CIB3: variants seen among roughly 807,000 people sequenced by gnomAD.
The protein encoded by CIB3 is calcium and integrin binding family member 3.
A neutral mutation model predicts 23.4 loss-of-function variants in CIB3; 22 were observed. The ratio of observed to expected loss-of-function variants is 0.94; its 90% CI spans 0.67 to 1.34. CIB3 has a LOEUF of 1.34. Ranked by LOEUF, CIB3 falls within the 40% of genes most tolerant of loss-of-function variation. The probability of loss-of-function intolerance (pLI) is 0.00; values close to 1 mark genes in which losing one functional copy is unlikely to be tolerated. For missense variants in CIB3, 258 were observed against 247.3 expected, an observed-to-expected ratio of 1.04 and a Z score of -0.29; for synonymous variants, 93 against 95.8, an observed-to-expected ratio of 0.97 and a Z score of 0.17.
Position 16,173,466 on chromosome 19 carries a change from T to C in CIB3, c.10A>G (p.Lys4Glu). 1.2e-6 allele frequency: 2 copies of C among 1,614,080 alleles called. No individual in the cohort carries two copies. The highest frequency in any genetic ancestry group is 2.2e-5 in the South Asian group (2 of 91,076). MGNKQTVFTHEQLE... is the reference protein window; with the variant it reads MGNEQTVFTHEQLE... ...TGCTCGTGTGTGAAGACTGTCTGCTTGTTGCCCATGGTGTGAACCACAGCC... is the reference window on the plus strand; with the variant it reads ...TGCTCGTGTGTGAAGACTGTCTGCTCGTTGCCCATGGTGTGAACCACAGCC... Residue 4 changes from lysine (K) to glutamate (E), a missense_variant, in exon 1 of 6, where the codon AAG becomes GAG. By Grantham distance (56) the Lys-to-Glu change is moderately conservative. Coordinates refer to ENST00000269878, the MANE Select transcript of CIB3 (RefSeq NM_054113.4).
chr19:16,164,973 G>C, intron 4 of CIB3, 60 bp from the exon 5 acceptor site: 1 of 1,424,990 alleles, frequency 7.0e-7, no homozygotes, highest in South Asian at 1.2e-5. Flanking sequence ...GCCGGCTGTG[G>C]GCACATACTG....
chr19:16,168,471 C>A lies in CIB3; in HGVS notation c.199-187G>T, dbSNP rs564230291. ...CCCTCCACCCCTGTGATCTGAGCAA[C>A]CTTGCCCCAACTTCCAGCTCTTGGA... On this transcript the variant is annotated intron_variant, in intron 3 of 5. Coordinates refer to ENST00000269878, the MANE Select transcript of CIB3 (RefSeq NM_054113.4). 6.6e-5 allele frequency among the ~76,000 whole-genome samples: 10 copies of A among 152,328 alleles called. No individual in the cohort carries two copies. The East Asian group carries it at 9.6e-4, about 15-fold the overall frequency.
Position 16,173,195 on chromosome 19 carries a change from T to C in CIB3, c.53A>G (p.Asp18Gly). Residue 18 changes from aspartate to glycine, a missense_variant and splice_region_variant, in exon 2 of 6, where the codon GAC becomes GGC. Physicochemically the swap from Asp to Gly is moderately conservative, Grantham distance 94. Coordinates refer to ENST00000269878, the MANE Select transcript of CIB3 (RefSeq NM_054113.4). ...FTHEQLEAYQDCTFFTRKEIM... is the reference protein window; with the variant it reads ...FTHEQLEAYQGCTFFTRKEIM... ...CTCCTTCCTTGTGAAAAATGTGCAG[T>C]CCTGTGGAGAGAGGTGTTGTCTTAA... The C allele has an allele frequency of 6.2e-7, 1 of 1,613,946 alleles. No individual in the cohort carries two copies. The highest frequency in any genetic ancestry group is 8.5e-7 in the Non-Finnish European group (1 of 1,179,978).
In CIB3 at chr19:16,168,393, C is replaced by T. The variant is rs77831326; in HGVS notation, c.199-109G>A. On this transcript the variant is annotated intron_variant, in intron 3 of 5. Coordinates refer to ENST00000269878, the MANE Select transcript of CIB3 (RefSeq NM_054113.4). ...CTTCTGGGAACCTCCAAGTACCCTC[C>T]ATCAAGACCCACTCCCTCCCATGGT... The T allele has an allele frequency of 8.5e-6, 12 of 1,418,972 alleles. No homozygotes were observed. The East Asian group carries it at 2.9e-4, about 35-fold the overall frequency. 87.9% of individuals were successfully genotyped at this position (1,418,972 alleles called of 1,614,324 possible).
At chr19:16,172,125 C>T (rs910422535) in intron 2 of CIB3, among the ~76,000 whole-genome samples, 4 of 152,250 alleles carry the variant, frequency 2.6e-5, no homozygotes, top group African/African-American at 9.6e-5. Context: ...GGCTCCCAGC[C>T]TCAAGTCCCA....
At chr19:16,163,859 ATGGGTGTGGC>A (rs1231900789) in intron 5 of CIB3, among the ~76,000 whole-genome samples, 11 of 152,182 alleles carry the variant, frequency 7.2e-5, no homozygotes, top group Non-Finnish European at 1.2e-4. Context: ...ATGTACACAA[ATGGGTGTGGC>A]TGTGAGCCAA....
At chr19:16,167,466 G>A (rs372721857) in intron 4 of CIB3, among the ~76,000 whole-genome samples, 3 of 152,266 alleles carry the variant, frequency 2.0e-5, no homozygotes, top group African/African-American at 7.2e-5. Flanking sequence ...GGTGCTAGAA[G>A]AGAAATAGGA....
At chr19:16,170,822 C>CAA (rs566726971) in intron 2 of CIB3, among the ~76,000 whole-genome samples, 1,522 of 116,922 alleles carry the variant, frequency 0.013, 36 homozygotes, top group African/African-American at 0.045. Context: ...GACTCTGTCT[C>CAA]AAAAAAAAAA....
At chr19:16,163,484 G>T (rs2091293596) in intron 5 of CIB3, among the ~76,000 whole-genome samples, 1 of 152,090 alleles carries the variant, frequency 6.6e-6, no homozygotes, top group South Asian at 2.1e-4. Context: ...GAACCCAGGA[G>T]GTGGAAGTTG....
In CIB3 at chr19:16,169,646, C is replaced by A. The variant is rs1264903592; in HGVS notation, c.182G>T (p.Ser61Ile). ...TGGGCATACCTTCAGCTCGGGCATG[C>A]TGCCAATGAGCTCGTAGGGCACCTT... ...DVKVPYELIGSMPELKDNPFR... is the reference protein window; with the variant it reads ...DVKVPYELIGIMPELKDNPFR... The change falls in exon 3 of 6, where the codon AGC becomes ATC. Residue 61 changes from serine to isoleucine, a missense_variant. Ser to Ile is a moderately radical substitution (Grantham distance 142). Transcript: ENST00000269878. 1 of 1,613,422 alleles carries A rather than the reference C, an allele frequency of 6.2e-7. No homozygotes were observed. Among genetic ancestry groups the A allele is most frequent in the African/African-American group, 1.3e-5 (1 of 75,032 alleles).
Position 16,168,762 on chromosome 19 carries a change from TG to T in CIB3, c.199-479del, listed in dbSNP as rs528625977. On this transcript the variant is annotated intron_variant, in intron 3 of 5. Transcript: ENST00000269878. ...CCTCTTCCTGGGAGGAGCCGAGATA[TG>T]GGGGGAGATTCCTGAGCACATCATC... 4.4e-3 allele frequency among the ~76,000 whole-genome samples: 663 copies of T among 152,084 alleles called. 3 individuals are homozygous for T. Among genetic ancestry groups the T allele is most frequent in the African/African-American group, 0.014 (589 of 41,496 alleles).
At chr19:16,173,304 C>T (rs1038767355) in intron 1 of CIB3, 108 bp from the exon 2 acceptor site, 6 of 1,578,630 alleles carry the variant, frequency 3.8e-6, no homozygotes, top group Admixed American at 1.7e-5. Context: ...CTGCCACACA[C>T]AGAGCAGAAC....
chr19:16,169,128 T>G (rs1355057361), intron 3 of CIB3, among the ~76,000 whole-genome samples: 1 of 151,848 alleles, frequency 6.6e-6, no homozygotes, highest in Admixed American at 6.6e-5. Context: ...TCTGGGTGTT[T>G]TTTGTTTGTT....
chr19:16,173,058 A>T, intron 2 of CIB3, 104 bp downstream of exon 2: 1 of 1,296,860 alleles, frequency 7.7e-7, no homozygotes, highest in Non-Finnish European at 1.1e-6. Flanking sequence ...ACACACACAC[A>T]CACACACACA....
rs2091284060 is a variant in CIB3, at chr19:16,161,413, G to A, written c.*52C>T. On this transcript the variant is annotated 3_prime_UTR_variant, in exon 6 of 6. Coordinates refer to ENST00000269878, the MANE Select transcript of CIB3 (RefSeq NM_054113.4). ...TTATTCTCAGAAACCAGAGTCCACA[G>A]CGGGTGAGGGGTCACCCCGCCCTCC... 1.3e-6 allele frequency: 2 copies of A among 1,588,926 alleles called. No individual in the cohort carries two copies. Among genetic ancestry groups the A allele is most frequent in the Admixed American group, 1.7e-5 (1 of 59,964 alleles).
intron 4 of CIB3, among the ~76,000 whole-genome samples, chr19:16,166,948 G>T (rs892845671): frequency 3.3e-5 from 5 of 152,220 alleles, no homozygotes; most frequent in African/African-American, 1.2e-4. Context: ...GGGCGTGGTG[G>T]TTCATGCCTG....
At position 16,167,381 on chromosome 19, in the gene CIB3, C is replaced by A. The variant is rs149826679; in HGVS notation, c.346+756G>T. Among the ~76,000 whole-genome samples the A allele has an allele frequency of 2.7e-3, 406 of 152,276 alleles. 4 individuals carry two copies. Among genetic ancestry groups the A allele is most frequent in the African/African-American group, 9.5e-3 (393 of 41,548 alleles). On this transcript the variant is annotated intron_variant, in intron 4 of 5. Coordinates refer to ENST00000269878, the MANE Select transcript of CIB3 (RefSeq NM_054113.4). ...GTGAGCAAAATAGATACTGTTGGTA[C>A]CTTTGAGTCTTCTCAGGGACAAAGT...
In CIB3 at chr19:16,161,435, C is replaced by G. The variant is rs1454330375; in HGVS notation, c.*30G>C. 6.2e-7 allele frequency: 1 copy of G among 1,613,488 alleles called. No homozygotes were observed. Among genetic ancestry groups the G allele is most frequent in the African/African-American group, 1.3e-5 (1 of 74,914 alleles). On this transcript the variant is annotated 3_prime_UTR_variant, in exon 6 of 6. Transcript: ENST00000269878. ...ACAGCGGGTGAGGGGTCACCCCGCC[C>G]TCCTATAGCTCGGCTCCTCTGTGGT...
chr19:16,173,084 A>C (rs1017380484), intron 2 of CIB3, 78 bp downstream of exon 2: 40 of 1,508,058 alleles, frequency 2.7e-5, no homozygotes, highest in Middle Eastern at 3.7e-4. Flanking sequence ...ACACACACAC[A>C]CCAAATTGCA....
Sources: gnomAD v4.1 joint callset for allele counts (sites outside exome capture counted in the v4.1 genomes callset) on GRCh38, gnomAD v4.1.1 for gene constraint, MANE v1.5 for transcripts, NCBI Gene and HGNC (gene_info 2026-07-23, HGNC 2026-07-21) for gene names.